The following SNX29 variants were observed in gnomAD, a reference collection of about 807,000 sequenced individuals.
The protein encoded by SNX29 is sorting nexin 29.
Under a neutral mutation model 102.1 loss-of-function variants are expected in SNX29, and 78 were observed. The observed-to-expected ratio is 0.76, with a 90% confidence interval of 0.64 to 0.92. SNX29 has a LOEUF of 0.92. Ranked by LOEUF, SNX29 falls within the 40% of genes least tolerant of loss-of-function variation. The probability of loss-of-function intolerance (pLI) is 0.00; values close to 1 mark genes in which losing one functional copy is unlikely to be tolerated. For synonymous variants in SNX29, 580 were observed against 414.5 expected (o/e 1.40, Z -4.85); for missense variants, 1,280 against 1,061.7 (o/e 1.21, Z -2.86).
At chr16:12,421,052 C>T (rs2084853733) in intron 18 of SNX29, among the ~76,000 whole-genome samples, 3 of 152,172 alleles carry the variant, frequency 2.0e-5, no homozygotes, top group Admixed American at 2.0e-4. Context: ...ATGAGGTGGT[C>T]AGTAGCTGCA....
At chr16:12,100,414 C>T (rs1481956843) in intron 11 of SNX29, among the ~76,000 whole-genome samples, 1 of 152,106 alleles carries the variant, frequency 6.6e-6, no homozygotes, top group Non-Finnish European at 1.5e-5. Context: ...GGTAAAACTG[C>T]CCTTGGTTGA....
intron 17 of SNX29, among the ~76,000 whole-genome samples, chr16:12,399,497 T>G (rs2083853991): frequency 6.6e-6 from 1 of 152,210 alleles, no homozygotes; most frequent in Admixed American, 6.5e-5. Context: ...GAAAAGTCCC[T>G]TTTAGAGCAG....
intron 20 of SNX29, among the ~76,000 whole-genome samples, chr16:12,556,704 G>A (rs183757930): frequency 1.1e-4 from 17 of 152,270 alleles, no homozygotes; most frequent in East Asian, 3.9e-4. Context: ...GAAGCCAAAG[G>A]CCAGTGGGTC....
At chr16:12,527,866 C>T (rs2076829006) in intron 20 of SNX29, among the ~76,000 whole-genome samples, 1 of 150,162 alleles carries the variant, frequency 6.7e-6, no homozygotes, top group African/African-American at 2.5e-5. Flanking sequence ...GCTCTGTCGG[C>T]CAAACTGGAG....
intron 18 of SNX29, among the ~76,000 whole-genome samples, chr16:12,452,673 C>T (rs1054656255): frequency 6.6e-6 from 1 of 152,026 alleles, no homozygotes; most frequent in South Asian, 2.1e-4. Flanking sequence ...GGACTGGTGT[C>T]GGGAAGAGGT....
At chr16:12,565,210 A>G (rs867135620) in intron 20 of SNX29, among the ~76,000 whole-genome samples, 26 of 152,244 alleles carry the variant, frequency 1.7e-4, no homozygotes, top group Middle Eastern at 3.4e-3. Context: ...ATTCAGCCAG[A>G]CAGCATTACC....
chr16:12,032,428 G>A (rs145242249), intron 4 of SNX29, among the ~76,000 whole-genome samples: 2,097 of 151,894 alleles, frequency 0.014, 38 homozygotes, highest in African/African-American at 0.048. Flanking sequence ...GGCTGGTCTC[G>A]AACCCCTGAC....
At chr16:11,976,918 A>T in intron 1 of SNX29, 105 bp downstream of exon 1, 1 of 1,261,744 alleles carries the variant, frequency 7.9e-7, no homozygotes, top group South Asian at 2.5e-5. Context: ...TCCCTCGCAG[A>T]CCCCCTCCCA....
At chr16:12,121,859 C>T (rs977132895) in intron 11 of SNX29, among the ~76,000 whole-genome samples, 3 of 152,110 alleles carry the variant, frequency 2.0e-5, no homozygotes. Flanking sequence ...AATGCAGTGG[C>T]GCGATCTTGG....
intron 20 of SNX29, among the ~76,000 whole-genome samples, chr16:12,549,591 C>G (rs1340393843): frequency 6.6e-6 from 1 of 152,164 alleles, no homozygotes; most frequent in Non-Finnish European, 1.5e-5. Flanking sequence ...AAGACCTGCA[C>G]CTTTTTCTAC....
At chr16:12,241,395 A>C (rs1567347974) in intron 14 of SNX29, among the ~76,000 whole-genome samples, 2 of 152,166 alleles carry the variant, frequency 1.3e-5, no homozygotes, top group African/African-American at 4.8e-5. Context: ...TGGCATGATC[A>C]AGGACTTGGT....
chr16:12,555,686 C>A (rs550262118), intron 20 of SNX29, among the ~76,000 whole-genome samples: 2 of 152,198 alleles, frequency 1.3e-5, no homozygotes, highest in Admixed American at 1.3e-4. Flanking sequence ...GAGAATAAGC[C>A]TTCCGATACT....
rs542462955 is a variant in SNX29, at chr16:12,257,899, C to CT, written c.1679-20031dup. Among the ~76,000 whole-genome samples, 3 of 152,262 alleles carry CT rather than the reference C, an allele frequency of 2.0e-5. No individual in the cohort carries two copies. In the South Asian group the frequency reaches 6.2e-4, roughly 32 times the overall value. The stretch of plus-strand genomic sequence containing the variant: ...GAGTCATCCTGTGTTTTTCCGCAGA[C>CT]TTTGTCTCTGATTTACAATCTATAG... On this transcript the variant is annotated intron_variant, in intron 14 of 20. Transcript: ENST00000566228.
At chr16:12,227,274 G>T (rs556407217) in intron 14 of SNX29, among the ~76,000 whole-genome samples, 18 of 152,268 alleles carry the variant, frequency 1.2e-4, no homozygotes, top group African/African-American at 4.3e-4. Context: ...CCTGTTTAGC[G>T]CATTTCTCAC....
At chr16:12,089,863 C>T in intron 11 of SNX29, 2 of 398,996 alleles carry the variant, frequency 5.0e-6, no homozygotes, top group South Asian at 1.8e-5. Flanking sequence ...CTTCCCTCCG[C>T]CCTCCCTTGT....
chr16:12,292,941 C>T (rs1287905866), intron 15 of SNX29, among the ~76,000 whole-genome samples: 2 of 152,094 alleles, frequency 1.3e-5, no homozygotes, highest in African/African-American at 4.8e-5. Flanking sequence ...GAGGAACTTT[C>T]TTATGTAGAA....
intron 18 of SNX29, among the ~76,000 whole-genome samples, chr16:12,439,805 C>G (rs2085718195): frequency 6.6e-6 from 1 of 152,216 alleles, no homozygotes; most frequent in Non-Finnish European, 1.5e-5. Flanking sequence ...CACTTTTCTG[C>G]TAGGGCAGTA....
At chr16:12,163,665 A>T (rs370618915) in intron 13 of SNX29, among the ~76,000 whole-genome samples, 2 of 152,250 alleles carry the variant, frequency 1.3e-5, no homozygotes, top group East Asian at 3.9e-4. Flanking sequence ...CTTGCCCCAC[A>T]TGGGTCTTGG....
chr16:12,046,529 C>A, intron 6 of SNX29, 75 bp downstream of exon 6: 3 of 1,400,492 alleles, frequency 2.1e-6, no homozygotes, highest in Non-Finnish European at 2.0e-6. Context: ...AGTTCCACAG[C>A]GCCATGGAGT....
Sources: allele counts gnomAD v4.1 joint callset (sites outside exome capture counted in the v4.1 genomes callset), GRCh38; gene constraint gnomAD v4.1.1; transcripts MANE v1.5; gene names NCBI Gene and HGNC (gene_info 2026-07-23, HGNC 2026-07-21).